The following PRIM2 variants were observed in gnomAD, a reference collection of about 807,000 sequenced individuals.
The protein encoded by PRIM2 is DNA primase large subunit.
In PRIM2, 39 loss-of-function variants were observed where a neutral mutation model predicts 67.3. The ratio of observed to expected loss-of-function variants is 0.58; its 90% CI spans 0.45 to 0.76. PRIM2 has a LOEUF of 0.76. Among genes scored for constraint, PRIM2 ranks in the 30% least tolerant of loss-of-function variants. The pLI is 0.00. For missense variants in PRIM2, 398 were observed against 598.7 expected, an observed-to-expected ratio of 0.66 and a Z score of 3.50; for synonymous variants, 143 against 198.7, an observed-to-expected ratio of 0.72 and a Z score of 2.36.
chr6:57,493,110 T>C (rs1221674169), intron 7 of PRIM2, among the ~76,000 whole-genome samples: 5 of 152,198 alleles, frequency 3.3e-5, no homozygotes, highest in African/African-American at 9.6e-5. Flanking sequence ...AGTTCAGACT[T>C]AACATGGACA....
intron 7 of PRIM2, among the ~76,000 whole-genome samples, chr6:57,457,985 T>A (rs1169786763): frequency 6.6e-6 from 1 of 152,264 alleles, no homozygotes; most frequent in Admixed American, 6.5e-5. Flanking sequence ...GCTTAAAGTG[T>A]CTTAGATTCA....
the PRIM2 span, among the ~76,000 whole-genome samples, chr6:57,233,665 CCCTT>C: frequency 6.9e-6 from 1 of 145,486 alleles, no homozygotes; most frequent in Non-Finnish European, 1.5e-5. Flanking sequence ...CTCCCTCCCT[CCCTT>C]GACAGGGGCT....
the PRIM2 span, among the ~76,000 whole-genome samples, chr6:57,273,282 G>A: frequency 8.6e-3 from 1,314 of 152,238 alleles, 23 homozygotes; most frequent in African/African-American, 0.03. Context: ...CGCAGATTTG[G>A]TCTTTTCACA....
chr6:57,283,664 A>T, the PRIM2 span, among the ~76,000 whole-genome samples: 1 of 152,186 alleles, frequency 6.6e-6, no homozygotes, highest in African/African-American at 2.4e-5. Flanking sequence ...AGCATTATGA[A>T]GAAAAATAGA....
At chr6:57,246,855 T>TTC in the PRIM2 span, among the ~76,000 whole-genome samples, 5 of 127,650 alleles carry the variant, frequency 3.9e-5, no homozygotes, top group African/African-American at 1.6e-4. Flanking sequence ...TGGACTTAAT[T>TTC]TCTTTTTTTT....
the PRIM2 span, among the ~76,000 whole-genome samples, chr6:57,283,877 T>C: frequency 6.6e-6 from 1 of 152,160 alleles, no homozygotes; most frequent in Admixed American, 6.6e-5. Context: ...CATTTAATAC[T>C]GATTTTTTTT....
intron 12 of PRIM2, among the ~76,000 whole-genome samples, chr6:57,625,039 G>A (rs1301624751): frequency 6.6e-6 from 1 of 152,152 alleles, no homozygotes; most frequent in Non-Finnish European, 1.5e-5. Flanking sequence ...AACAGTATGG[G>A]GGAAACCGCC....
the PRIM2 span, among the ~76,000 whole-genome samples, chr6:57,254,864 G>A: frequency 6.6e-6 from 1 of 152,170 alleles, no homozygotes; most frequent in African/African-American, 2.4e-5. Context: ...CTTAGTTATA[G>A]ATTAGAAGAA....
the PRIM2 span, among the ~76,000 whole-genome samples, chr6:57,276,846 G>A: frequency 2.8e-4 from 43 of 151,708 alleles, no homozygotes; most frequent in Admixed American, 2.0e-3. Context: ...CCAGGGTTGC[G>A]CCACTGCACT....
chr6:57,398,648 A>C (rs1207245091), intron 7 of PRIM2, among the ~76,000 whole-genome samples: 4 of 152,220 alleles, frequency 2.6e-5, no homozygotes, highest in Admixed American at 6.5e-5. Context: ...AGTTCTGTAG[A>C]GGTCCATCAG....
intron 12 of PRIM2, among the ~76,000 whole-genome samples, chr6:57,609,499 T>C (rs1343783607): frequency 1.4e-4 from 21 of 152,300 alleles, no homozygotes; most frequent in African/African-American, 3.6e-4. Context: ...TTAGCAGTCA[T>C]AAAGAATCAC....
At chr6:57,304,135 G>A in the PRIM2 span, among the ~76,000 whole-genome samples, 1 of 152,210 alleles carries the variant, frequency 6.6e-6, no homozygotes, top group African/African-American at 2.4e-5. Flanking sequence ...CACATGAGAG[G>A]CTGGCATATG....
At chr6:57,521,373 T>TG (rs1774617714) in intron 8 of PRIM2, among the ~76,000 whole-genome samples, 1 of 137,232 alleles carries the variant, frequency 7.3e-6, no homozygotes, top group East Asian at 2.0e-4. Flanking sequence ...TAGGGTTTTT[T>TG]TTTTTTTTTT....
chr6:57,265,648 C>T, the PRIM2 span, among the ~76,000 whole-genome samples: 2 of 152,146 alleles, frequency 1.3e-5, no homozygotes, highest in Non-Finnish European at 2.9e-5. Flanking sequence ...ATCAATTTAT[C>T]CTATAGATAG....
At chr6:57,269,950 G>T in the PRIM2 span, among the ~76,000 whole-genome samples, 1 of 152,102 alleles carries the variant, frequency 6.6e-6, no homozygotes, top group Non-Finnish European at 1.5e-5. Context: ...TAGATATGCG[G>T]CATTATTTCT....
rs1296234758 is a variant in PRIM2 at position 57,480,921 on chromosome 6, C to T, written c.694-26466C>T. Among the ~76,000 whole-genome samples, 9 of 152,250 alleles carry T rather than the reference C, an allele frequency of 5.9e-5. No homozygotes were observed. In the East Asian group the frequency reaches 7.7e-4, roughly 13 times the overall value. ...GATGACAGGCGTGAGCCATCGCACC[C>T]GGCCCATTTCTTTAATTTTCTTATT... On this transcript the variant is annotated intron_variant, in intron 7 of 13. Coordinates refer to ENST00000615550, the MANE Select transcript of PRIM2 (RefSeq NM_000947.5).
At chr6:57,606,319 T>C (rs1776561361) in intron 11 of PRIM2, 56 bp from the exon 12 acceptor site, 2 of 1,429,392 alleles carry the variant, frequency 1.4e-6, no homozygotes, top group East Asian at 2.4e-5. Flanking sequence ...TGTGGTGTTG[T>C]ACTAAGTTGT....
At chr6:57,547,283 G>A (rs1775308325) in intron 10 of PRIM2, among the ~76,000 whole-genome samples, 1 of 151,882 alleles carries the variant, frequency 6.6e-6, no homozygotes, top group South Asian at 2.1e-4. Flanking sequence ...TTTAGATATA[G>A]GGGGTACATG....
intron 7 of PRIM2, among the ~76,000 whole-genome samples, chr6:57,437,429 G>C (rs1248004560): frequency 1.3e-5 from 2 of 152,056 alleles, no homozygotes; most frequent in Admixed American, 6.6e-5. Context: ...CCATTACTCT[G>C]TTTTCACCTG....
Sources: gnomAD v4.1 joint callset for allele counts (sites outside exome capture counted in the v4.1 genomes callset) on GRCh38, gnomAD v4.1.1 for gene constraint, MANE v1.5 for transcripts, NCBI Gene and HGNC (gene_info 2026-07-23, HGNC 2026-07-21) for gene names.